The following ZNF516 variants were observed in gnomAD, a reference collection of about 807,000 sequenced individuals.
The protein encoded by ZNF516 is zinc finger protein 516.
In ZNF516, 19 loss-of-function variants were observed where a neutral mutation model predicts 79.7. That is an observed-to-expected ratio of 0.24 (90% CI 0.17 to 0.35). The LOEUF (loss-of-function observed/expected upper bound fraction) is 0.35. ZNF516 is among the 10% of genes least tolerant of loss of function. The pLI is 1.00. For synonymous variants in ZNF516, 877 were observed against 739.5 expected, an observed-to-expected ratio of 1.19 and a Z score of -3.02; for missense variants, 1,678 against 1,679.5, an observed-to-expected ratio of 1.00 and a Z score of 0.02.
intron 1 of ZNF516, among the ~76,000 whole-genome samples, chr18:76,466,736 T>C (rs2145704083): frequency 6.6e-6 from 1 of 152,058 alleles, no homozygotes; most frequent in South Asian, 2.1e-4. Context: ...CAGTGGGGGC[T>C]GGAAAAGTAG....
chr18:76,370,707 G>C (rs2074689294), intron 5 of ZNF516, 112 bp from the exon 6 acceptor site: 2 of 857,738 alleles, frequency 2.3e-6, no homozygotes, highest in East Asian at 3.1e-5. Context: ...CCAGCGCCTA[G>C]CCTGTGGCTG....
intron 3 of ZNF516, among the ~76,000 whole-genome samples, chr18:76,419,537 T>C (rs1880731580): frequency 6.6e-6 from 1 of 152,206 alleles, no homozygotes; most frequent in Non-Finnish European, 1.5e-5. Flanking sequence ...CCAAATCTCA[T>C]CTTGAACTGT....
chr18:76,364,912 G>A (rs537151972), intron 6 of ZNF516, among the ~76,000 whole-genome samples: 46 of 152,314 alleles, frequency 3.0e-4, no homozygotes, highest in Non-Finnish European at 5.6e-4. Context: ...ATGATTTTTG[G>A]TAGCATATTA....
chr18:76,446,350 T>A (rs926763744), intron 2 of ZNF516, among the ~76,000 whole-genome samples: 1 of 151,730 alleles, frequency 6.6e-6, no homozygotes, highest in African/African-American at 2.4e-5. Flanking sequence ...CTTCCAGGAG[T>A]GCTGGGGAAA....
intron 3 of ZNF516, among the ~76,000 whole-genome samples, chr18:76,432,820 T>C (rs1055910546): frequency 6.6e-6 from 1 of 152,178 alleles, no homozygotes; most frequent in African/African-American, 2.4e-5. Flanking sequence ...CACTCTCTAC[T>C]GGGAAAGGGC....
At chr18:76,395,774 G>A (rs564020560) in intron 3 of ZNF516, among the ~76,000 whole-genome samples, 4 of 152,190 alleles carry the variant, frequency 2.6e-5, no homozygotes, top group African/African-American at 7.2e-5. Context: ...ATGACGGTAA[G>A]ATAAAGCACT....
chr18:76,373,364 G>C (rs1449972621), intron 4 of ZNF516, among the ~76,000 whole-genome samples: 1 of 151,820 alleles, frequency 6.6e-6, no homozygotes. Context: ...AGAAAGAAAA[G>C]AGATTTTTTA....
intron 1 of ZNF516, chr18:76,492,636 C>G (rs1332829144): frequency 1.2e-6 from 1 of 833,488 alleles, no homozygotes; most frequent in African/African-American, 1.8e-5. Flanking sequence ...CCATCATCAC[C>G]TGAACCAAAA....
intron 3 of ZNF516, among the ~76,000 whole-genome samples, chr18:76,383,035 C>CTCA (rs1555698193): frequency 2.0e-5 from 1 of 49,798 alleles, no homozygotes; most frequent in Non-Finnish European, 3.7e-5. Flanking sequence ...GACTCTGTCT[C>CTCA]AAAAAAAAAA....
chr18:76,450,616 T>A (rs1912348852), intron 2 of ZNF516, among the ~76,000 whole-genome samples: 1 of 152,116 alleles, frequency 6.6e-6, no homozygotes, highest in African/African-American at 2.4e-5. Context: ...CTCCCGAACA[T>A]CAGCCAAAAT....
chr18:76,474,864 T>C (rs1193415352), intron 1 of ZNF516, among the ~76,000 whole-genome samples: 2 of 152,218 alleles, frequency 1.3e-5, no homozygotes, highest in African/African-American at 4.8e-5. Flanking sequence ...TCTAGGTTAA[T>C]ACACTTGTTA....
chr18:76,494,868 G>A (rs985724739), intron 1 of ZNF516, among the ~76,000 whole-genome samples: 1 of 110,948 alleles, frequency 9.0e-6, no homozygotes, highest in African/African-American at 3.5e-5. Flanking sequence ...CCTCCACTGC[G>A]GTAAAAACCA....
chr18:76,429,535 T>C (rs2075635852), intron 3 of ZNF516, among the ~76,000 whole-genome samples: 1 of 152,064 alleles, frequency 6.6e-6, no homozygotes, highest in East Asian at 1.9e-4. Flanking sequence ...AGGAAGACGA[T>C]GACCAAGGCC....
In ZNF516 at chr18:76,474,699, T is replaced by C. The variant is rs1238372204; in HGVS notation, c.-271-11558A>G. On this transcript the variant is annotated intron_variant, in intron 1 of 6. Coordinates refer to ENST00000443185, the MANE Select transcript of ZNF516 (RefSeq NM_014643.4). ...ATAAGAAAAACTACAGTAAAACTGA[T>C]ACACAAAATCAGTAATTGGCTCTAT... is the stretch of plus-strand genomic sequence containing the variant. Among the ~76,000 whole-genome samples, 4 of 152,138 alleles carry C rather than the reference T, an allele frequency of 2.6e-5. No homozygotes were observed. In the East Asian group the frequency reaches 7.7e-4, roughly 29 times the overall value.
chr18:76,470,786 G>A (rs953083575), intron 1 of ZNF516, among the ~76,000 whole-genome samples: 11 of 152,136 alleles, frequency 7.2e-5, no homozygotes, highest in South Asian at 2.1e-4. Context: ...AGGTCGAGGC[G>A]GGCGGATCAC....
At chr18:76,446,321 T>C (rs1912048311) in intron 2 of ZNF516, among the ~76,000 whole-genome samples, 1 of 152,146 alleles carries the variant, frequency 6.6e-6, no homozygotes, top group Admixed American at 6.5e-5. Context: ...CCCAGGCAGC[T>C]TCCTACCCTG....
chr18:76,367,262 G>A (rs371375638), intron 6 of ZNF516, among the ~76,000 whole-genome samples: 29 of 152,148 alleles, frequency 1.9e-4, no homozygotes, highest in East Asian at 9.7e-4. Context: ...CGCTCTCTCC[G>A]GCCCCATGCC....
intron 3 of ZNF516, among the ~76,000 whole-genome samples, chr18:76,403,104 A>G (rs943695816): frequency 6.6e-6 from 1 of 152,218 alleles, no homozygotes; most frequent in Non-Finnish European, 1.5e-5. Flanking sequence ...ATCAATGGCT[A>G]TGACTATTTC....
intron 2 of ZNF516, 108 bp downstream of exon 2, chr18:76,462,920 G>A (rs1231259567): frequency 6.6e-6 from 1 of 152,114 alleles, no homozygotes; most frequent in Non-Finnish European, 1.5e-5. Context: ...CAAGAAAAGC[G>A]ACCCTACACC....
Sources: gnomAD v4.1 joint callset for allele counts (sites outside exome capture counted in the v4.1 genomes callset) on GRCh38, gnomAD v4.1.1 for gene constraint, MANE v1.5 for transcripts, NCBI Gene and HGNC (gene_info 2026-07-23, HGNC 2026-07-21) for gene names.